Variants in MGA observed in about 807,000 individuals in gnomAD.
The protein encoded by MGA is MAX dimerization protein MGA.
MGA carries 40 observed loss-of-function variants against 261.1 expected under a neutral mutation model. The ratio of observed to expected loss-of-function variants is 0.15; its 90% CI spans 0.12 to 0.20. MGA has a LOEUF of 0.20. Among genes scored for constraint, MGA ranks in the 10% least tolerant of loss-of-function variants. MGA has a pLI of 1.00. For missense variants in MGA, 3,397 were observed against 3,630.5 expected, an observed-to-expected ratio of 0.94 and a Z score of 1.65; for synonymous variants, 1,302 against 1,290.6, an observed-to-expected ratio of 1.01 and a Z score of -0.19.
In MGA at chr15:41,626,479, A is replaced by G. The variant is rs563828217; in HGVS notation, c.-68+5181A>G. ...CTCTTGTTGCCCAGGCTAGAGTGCAATGGTGCTATCTCACCTCACTGCAAT... is the reference window on the plus strand; with the variant it reads ...CTCTTGTTGCCCAGGCTAGAGTGCAGTGGTGCTATCTCACCTCACTGCAAT... On this transcript the variant is annotated intron_variant, in intron 1 of 8. Transcript: ENST00000566718. Among the ~76,000 whole-genome samples the G allele has an allele frequency of 1.2e-3, 180 of 152,206 alleles. 1 individual carries two copies. Among genetic ancestry groups the G allele is most frequent in the African/African-American group, 3.9e-3 (164 of 41,532 alleles).
intron 19 of MGA, among the ~76,000 whole-genome samples, chr15:41,758,661 T>A (rs1009747197): frequency 6.6e-6 from 1 of 152,194 alleles, no homozygotes. Context: ...CTTGCTGCAC[T>A]TTGCTATATT....
At chr15:41,677,451 T>C (rs761709100) in intron 2 of MGA, among the ~76,000 whole-genome samples, 1 of 152,200 alleles carries the variant, frequency 6.6e-6, no homozygotes, top group African/African-American at 2.4e-5. Context: ...ATGAATTCTT[T>C]CGGGTATATA....
chr15:41,755,475 A>G (rs918316677), intron 18 of MGA, among the ~76,000 whole-genome samples: 1 of 152,234 alleles, frequency 6.6e-6, no homozygotes, highest in African/African-American at 2.4e-5. Flanking sequence ...TCTGTATACT[A>G]AAACTGAGTT....
At chr15:41,739,553 T>A (rs948963524) in intron 13 of MGA, among the ~76,000 whole-genome samples, 12 of 152,174 alleles carry the variant, frequency 7.9e-5, no homozygotes, top group African/African-American at 2.7e-4. Flanking sequence ...GCTGATGAGG[T>A]TAATAGCTTA....
intron 9 of MGA, among the ~76,000 whole-genome samples, chr15:41,726,898 A>G (rs2031308117): frequency 6.6e-6 from 1 of 152,074 alleles, no homozygotes; most frequent in Non-Finnish European, 1.5e-5. Context: ...ACTGGATTTT[A>G]AACTCTGAGG....
chr15:41,727,514 G>A (rs2061312344), intron 10 of MGA, 108 bp downstream of exon 10: 1 of 1,029,978 alleles, frequency 9.7e-7, no homozygotes, highest in Non-Finnish European at 1.4e-6. Flanking sequence ...TTTGCTTTCA[G>A]TAATATGTTT....
intron 7 of MGA, among the ~76,000 whole-genome samples, chr15:41,710,088 A>T (rs1425117404): frequency 6.6e-6 from 1 of 151,870 alleles, no homozygotes; most frequent in African/African-American, 2.4e-5. Flanking sequence ...CAGCCTCCCA[A>T]AGCGCTGGGA....
At chr15:41,642,311 GTT>G (rs766480352) in intron 1 of MGA, among the ~76,000 whole-genome samples, 5 of 136,024 alleles carry the variant, frequency 3.7e-5, no homozygotes, top group Non-Finnish European at 6.4e-5. Flanking sequence ...AATTTGTGGT[GTT>G]TTTTTTTTTT....
chr15:41,622,885 C>T (rs1465465227), intron 1 of MGA, among the ~76,000 whole-genome samples: 6 of 152,120 alleles, frequency 3.9e-5, no homozygotes, highest in African/African-American at 9.7e-5. Flanking sequence ...TTTATTATAC[C>T]TTTTGATTTA....
chr15:41,710,082 C>G (rs1012812581), intron 7 of MGA, among the ~76,000 whole-genome samples: 2 of 152,172 alleles, frequency 1.3e-5, no homozygotes, highest in Non-Finnish European at 1.5e-5. Context: ...CTGCCTCAGC[C>G]TCCCAAAGCG....
chr15:41,727,055 GTC>G (rs2151682558), intron 9 of MGA, 123 bp from the exon 10 acceptor site: 1 of 649,352 alleles, frequency 1.5e-6, no homozygotes, highest in South Asian at 2.2e-5. Flanking sequence ...GGAGGGGGTC[GTC>G]TATTTGATTA....
At chr15:41,665,101 C>A (rs1390096500) in intron 1 of MGA, among the ~76,000 whole-genome samples, 6 of 152,134 alleles carry the variant, frequency 3.9e-5, no homozygotes, top group Admixed American at 3.9e-4. Context: ...TATCTATTAT[C>A]TGTAGACTAA....
At chr15:41,684,456 T>TTGTGAAATTTTTTCCCCAAGG (rs2058840862) in intron 2 of MGA, 2 of 419,876 alleles carry the variant, frequency 4.8e-6, no homozygotes, top group African/African-American at 4.2e-5. Context: ...ACTTAACTGT[T>TTGTGAAATTTTTTCCCCAAGG]TGTGAAATTT....
intron 1 of MGA, among the ~76,000 whole-genome samples, chr15:41,652,665 G>A (rs2057090748): frequency 6.6e-6 from 1 of 150,426 alleles, no homozygotes; most frequent in African/African-American, 2.5e-5. Context: ...TGTAGGTTTT[G>A]TATGTTTCTA....
At chr15:41,674,500 A>T (rs911553410) in intron 2 of MGA, among the ~76,000 whole-genome samples, 10 of 151,746 alleles carry the variant, frequency 6.6e-5, no homozygotes, top group African/African-American at 2.4e-4. Context: ...GCCCAGCTTA[A>T]TAGTGATTAT....
At position 41,724,183 on chromosome 15, in the gene MGA, T is replaced by C. The variant is rs1304653284; in HGVS notation, c.3431-2997T>C. Among the ~76,000 whole-genome samples, 3 of 152,346 alleles carry C rather than the reference T, an allele frequency of 2.0e-5. No individual in the cohort carries two copies. The East Asian group carries it at 5.8e-4, about 29-fold the overall frequency. ...GCGTGTACAAAATAATTAGCTACAC[T>C]GAACAAGAAAGTTTTTATTAAATGT... On this transcript the variant is annotated intron_variant, in intron 9 of 23. Coordinates refer to ENST00000219905, the MANE Select transcript of MGA (RefSeq NM_001164273.2).
chr15:41,743,428 C>T lies in MGA; in HGVS notation c.5212+256C>T, dbSNP rs139654336. Among the ~76,000 whole-genome samples, 623 of 152,290 alleles carry T rather than the reference C, an allele frequency of 4.1e-3. 4 individuals carry two copies. Among genetic ancestry groups the T allele is most frequent in the African/African-American group, 0.014 (593 of 41,552 alleles). ...ATAAGCAGAACATTAATAACAATAA[C>T]TGATAACCTTGAGAGATAACTTGAA... On this transcript the variant is annotated intron_variant, in intron 15 of 23. Transcript: ENST00000219905.
intron 1 of MGA, among the ~76,000 whole-genome samples, chr15:41,640,071 C>G (rs902868181): frequency 2.0e-5 from 3 of 152,060 alleles, no homozygotes; most frequent in Non-Finnish European, 4.4e-5. Flanking sequence ...GCAAGGGCAT[C>G]AAGGCAGGCT....
intron 2 of MGA, chr15:41,691,553 A>G: frequency 2.4e-6 from 1 of 411,580 alleles, no homozygotes; most frequent in Non-Finnish European, 5.3e-6. Flanking sequence ...TCCTGATAGA[A>G]TCTCTAGTAC....
Sources: allele counts gnomAD v4.1 joint callset (sites outside exome capture counted in the v4.1 genomes callset), GRCh38; gene constraint gnomAD v4.1.1; transcripts MANE v1.5; gene names NCBI Gene and HGNC (gene_info 2026-07-23, HGNC 2026-07-21).